The following IFFO2 variants were observed in gnomAD, a reference collection of about 807,000 sequenced individuals.
The protein encoded by IFFO2 is intermediate filament family orphan 2.
Under a neutral mutation model 53.5 loss-of-function variants are expected in IFFO2, and 19 were observed. The ratio of observed to expected loss-of-function variants is 0.36; its 90% CI spans 0.25 to 0.52. IFFO2 has a LOEUF of 0.52. Ranked by LOEUF, IFFO2 falls within the 20% of genes least tolerant of loss-of-function variation. The probability of loss-of-function intolerance (pLI) is 0.94; values close to 1 mark genes in which losing one functional copy is unlikely to be tolerated. For synonymous variants in IFFO2, 303 were observed against 313.6 expected (o/e 0.97, Z 0.36); for missense variants, 570 against 727.4 (o/e 0.78, Z 2.49).
At chr1:18,953,274 C>A (rs935602435) in intron 1 of IFFO2, among the ~76,000 whole-genome samples, 1 of 152,162 alleles carries the variant, frequency 6.6e-6, no homozygotes, top group Non-Finnish European at 1.5e-5. Context: ...GCTGGGAAGA[C>A]CCTTTGAGAT....
Position 18,905,040 on chromosome 1 carries a change from C to G in IFFO2, c.*3521G>C, listed in dbSNP as rs1436583493. The G allele has an allele frequency of 6.6e-6, 1 of 152,244 alleles. No individual in the cohort carries two copies. The highest frequency in any genetic ancestry group is 1.5e-5 in the Non-Finnish European group (1 of 68,062). 9.4% of individuals were successfully genotyped at this position (152,244 alleles called of 1,614,324 possible). A position where few individuals can be genotyped will look rare whatever the true frequency, so the allele number is the denominator to read the frequency against. On this transcript the variant is annotated 3_prime_UTR_variant, in exon 9 of 9. Transcript: ENST00000455833. Reference sequence around the variant, plus strand: ...CAACGCAACTGGGTTGGAAATGGATCTCGGCAGACCAGAGTCAGAGTAACT... The same window carrying G: ...CAACGCAACTGGGTTGGAAATGGATGTCGGCAGACCAGAGTCAGAGTAACT...
At chr1:18,912,217 G>A (rs1174588202) in intron 5 of IFFO2, 134 bp from the exon 6 acceptor site, 6 of 989,048 alleles carry the variant, frequency 6.1e-6, no homozygotes, top group Non-Finnish European at 7.3e-6. Context: ...GGGGTAGTAA[G>A]CCAAAGGGGA....
At chr1:18,943,610 A>G (rs942332544) in intron 1 of IFFO2, among the ~76,000 whole-genome samples, 2 of 152,216 alleles carry the variant, frequency 1.3e-5, no homozygotes, top group East Asian at 1.9e-4. Flanking sequence ...AGGCTCACCA[A>G]CACCCTGTGG....
chr1:18,934,020 T>C (rs1028144717), intron 1 of IFFO2, among the ~76,000 whole-genome samples: 2 of 151,302 alleles, frequency 1.3e-5, no homozygotes, highest in African/African-American at 4.9e-5. Flanking sequence ...AATCAGATAG[T>C]ATCTGTCCTT....
intron 1 of IFFO2, among the ~76,000 whole-genome samples, chr1:18,931,308 TA>T (rs1236025870): frequency 6.6e-6 from 1 of 152,016 alleles, no homozygotes; most frequent in Non-Finnish European, 1.5e-5. Flanking sequence ...CCCCTACCCC[TA>T]AAAAACCAGG....
chr1:18,912,842 A>T (rs1346950291), intron 5 of IFFO2, among the ~76,000 whole-genome samples: 1 of 152,252 alleles, frequency 6.6e-6, no homozygotes, highest in Admixed American at 6.5e-5. Context: ...GGAGATGTCA[A>T]GACCTCCCTA....
chr1:18,937,076 C>G (rs1316160676), intron 1 of IFFO2, among the ~76,000 whole-genome samples: 1 of 152,148 alleles, frequency 6.6e-6, no homozygotes, highest in Non-Finnish European at 1.5e-5. Flanking sequence ...AGGTCCCACA[C>G]AGGCAGCGGC....
At chr1:18,911,907 G>T in intron 6 of IFFO2, 56 bp downstream of exon 6, 1 of 1,542,504 alleles carries the variant, frequency 6.5e-7, no homozygotes. Flanking sequence ...CCATTGAAAG[G>T]CGGTGTCCCC....
rs1024247597 is a variant in IFFO2 at position 18,919,778 on chromosome 1, G to A, written c.727-5C>T. 1.6e-5 allele frequency: 25 copies of A among 1,548,492 alleles called. No homozygotes were observed. Among genetic ancestry groups the A allele is most frequent in the Admixed American group, 7.8e-5 (4 of 50,980 alleles). ...GGCATCAGCCTCCTGTGCTGCCTGC[G>A]GGGACGGAGATGGGGAGGCTTCAGA... is the stretch of plus-strand genomic sequence containing the variant. On this transcript the variant is annotated splice_polypyrimidine_tract_variant and splice_region_variant and intron_variant, in intron 2 of 8. Coordinates refer to ENST00000455833, the MANE Select transcript of IFFO2 (RefSeq NM_001136265.2). This position sits in a 1 kb window ranked among gnomAD's most constrained non-coding sequence, Gnocchi z 4.9.
chr1:18,906,732 A>G lies in IFFO2; in HGVS notation c.*1829T>C, dbSNP rs1331623097. On this transcript the variant is annotated 3_prime_UTR_variant, in exon 9 of 9. Coordinates refer to ENST00000455833, the MANE Select transcript of IFFO2 (RefSeq NM_001136265.2). ...CATTGTCCCTCCAAGTACCTGTCAA[A>G]GGGAACTGTTTGGCTAACAAGAGAT... 2 of 152,212 alleles carry G rather than the reference A, an allele frequency of 1.3e-5. No individual in the cohort carries two copies. The highest frequency in any genetic ancestry group is 2.9e-5 in the Non-Finnish European group (2 of 68,050). The allele number at this position is 152,212 out of a possible 1,614,324, so 9.4% of individuals were successfully genotyped here.
chr1:18,922,862 G>A (rs143616086), intron 1 of IFFO2, among the ~76,000 whole-genome samples: 21 of 152,098 alleles, frequency 1.4e-4, no homozygotes, highest in African/African-American at 3.6e-4. Flanking sequence ...CTAGGAGTCC[G>A]GTCCCAGGCC....
chr1:18,916,420 C>T lies in IFFO2; in HGVS notation c.1103+483G>A, dbSNP rs555872159. Among the ~76,000 whole-genome samples, 4 of 152,252 alleles carry T rather than the reference C, an allele frequency of 2.6e-5. No homozygotes were observed. The highest frequency in any genetic ancestry group is 1.3e-4 in the Admixed American group (2 of 15,292). ...CAGGCTCAGCAATGCCTGACCTCCT[C>T]GAGCTTCCAAGAGAGGCTGAACATA... On this transcript the variant is annotated intron_variant, in intron 5 of 8. Coordinates refer to ENST00000455833, the MANE Select transcript of IFFO2 (RefSeq NM_001136265.2). The surrounding 1 kb of genome is among the most constrained non-coding windows in gnomAD (Gnocchi z 4.3).
intron 1 of IFFO2, among the ~76,000 whole-genome samples, chr1:18,931,022 A>C (rs978659987): frequency 2.6e-5 from 4 of 152,120 alleles, no homozygotes; most frequent in African/African-American, 9.7e-5. Context: ...AATTTTAAAA[A>C]TTAGCCAGGC....
rs972350470 is a variant in IFFO2 at position 18,947,600 on chromosome 1, G to A, written c.665+8068C>T. The stretch of plus-strand genomic sequence containing the variant: ...CACCACCGGGTTTAAATGAGACCGC[G>A]TGGAAATCACCAGACGGGTCATAAT... On this transcript the variant is annotated intron_variant, in intron 1 of 8. Transcript: ENST00000455833. The surrounding 1 kb of genome is among the most constrained non-coding windows in gnomAD (Gnocchi z 5.0). Among the ~76,000 whole-genome samples, 2 of 152,052 alleles carry A rather than the reference G, an allele frequency of 1.3e-5. No homozygotes were observed. Among genetic ancestry groups the A allele is most frequent in the African/African-American group, 2.4e-5 (1 of 41,368 alleles).
chr1:18,910,801 G>A (rs77088321), intron 7 of IFFO2, among the ~76,000 whole-genome samples: 1 of 152,196 alleles, frequency 6.6e-6, no homozygotes, highest in African/African-American at 2.4e-5. Context: ...AATCCTGAAG[G>A]CTTTTTCATG....
chr1:18,943,201 C>T (rs2148187120), intron 1 of IFFO2, among the ~76,000 whole-genome samples: 1 of 151,908 alleles, frequency 6.6e-6, no homozygotes, highest in South Asian at 2.1e-4. Flanking sequence ...ACCCCTATCT[C>T]AACAAAAATT....
intron 1 of IFFO2, among the ~76,000 whole-genome samples, chr1:18,943,161 G>C (rs1480297341): frequency 6.6e-6 from 1 of 152,086 alleles, no homozygotes; most frequent in African/African-American, 2.4e-5. Flanking sequence ...GAGGCCAGGA[G>C]TTCAAGACCA....
chr1:18,934,915 G>A (rs1468552591), intron 1 of IFFO2, among the ~76,000 whole-genome samples: 4 of 152,172 alleles, frequency 2.6e-5, no homozygotes, highest in Admixed American at 1.3e-4. Flanking sequence ...GAACACCTTT[G>A]TACCCTCACA....
At chr1:18,952,251 C>T (rs753971444) in intron 1 of IFFO2, among the ~76,000 whole-genome samples, 59 of 152,012 alleles carry the variant, frequency 3.9e-4, no homozygotes, top group Admixed American at 3.7e-3. Context: ...GTCCTCATTG[C>T]GGCTTCAGCG....
Sources: allele counts gnomAD v4.1 joint callset (sites outside exome capture counted in the v4.1 genomes callset), GRCh38; gene constraint gnomAD v4.1.1; non-coding constraint Gnocchi (gnomAD v3.1); transcripts MANE v1.5; gene names NCBI Gene and HGNC (gene_info 2026-07-23, HGNC 2026-07-21).